NAALADL2: variants seen among roughly 807,000 people sequenced by gnomAD.
The protein encoded by NAALADL2 is N-acetylated alpha-linked acidic dipeptidase like 2, also known as inactive N-acetylated-alpha-linked acidic dipeptidase-like protein 2.
Under a neutral mutation model 87.2 loss-of-function variants are expected in NAALADL2, and 76 were observed. That is an observed-to-expected ratio of 0.87 (90% CI 0.72 to 1.05). NAALADL2 has a LOEUF of 1.05. Ranked by LOEUF, NAALADL2 falls within the 50% of genes least tolerant of loss-of-function variation. The pLI is 0.00. For synonymous variants in NAALADL2, 354 were observed against 331.0 expected, an observed-to-expected ratio of 1.07 and a Z score of -0.75; for missense variants, 1,089 against 945.8, an observed-to-expected ratio of 1.15 and a Z score of -1.99.
intron 1 of NAALADL2, among the ~76,000 whole-genome samples, chr3:174,908,324 G>A (rs1274304028): frequency 6.6e-6 from 1 of 151,970 alleles, no homozygotes; most frequent in African/African-American, 2.4e-5. Flanking sequence ...AGAGCTCAAG[G>A]ACAGAATAAG....
chr3:175,158,459 G>A (rs945718694), intron 2 of NAALADL2, among the ~76,000 whole-genome samples: 6 of 152,084 alleles, frequency 3.9e-5, no homozygotes, highest in African/African-American at 1.4e-4. Flanking sequence ...GTAAAGAGAT[G>A]CATTGGACCT....
At position 175,603,531 on chromosome 3, in the gene NAALADL2, A is replaced by G. The variant is rs148333366; in HGVS notation, c.1801-23760A>G. Among the ~76,000 whole-genome samples, 100 of 152,182 alleles carry G rather than the reference A, an allele frequency of 6.6e-4. 1 individual carries two copies. Among genetic ancestry groups the G allele is most frequent in the Middle Eastern group, 6.8e-3 (2 of 294 alleles). On this transcript the variant is annotated intron_variant, in intron 10 of 13. Coordinates refer to ENST00000454872, the MANE Select transcript of NAALADL2 (RefSeq NM_207015.3). ...GTTAGTTTCTATCTCTATGATTTGG[A>G]CTATTCCAGGTACCTCATGTAAGTG...
At chr3:174,585,807 A>T (rs1254129681) in intron 2 of NAALADL2, among the ~76,000 whole-genome samples, 1 of 152,186 alleles carries the variant, frequency 6.6e-6, no homozygotes, top group Non-Finnish European at 1.5e-5. Flanking sequence ...AGTCTTCCAG[A>T]CAAGTGCATT....
intron 3 of NAALADL2, among the ~76,000 whole-genome samples, chr3:174,787,601 A>ATACATATATATATATATATATATATATG (rs1716917799): frequency 4.4e-5 from 4 of 91,208 alleles, no homozygotes; most frequent in African/African-American, 1.5e-4. Context: ...ATATATATAT[A>ATACATATATATATATATATATATATATG]TATATATATA....
intron 3 of NAALADL2, among the ~76,000 whole-genome samples, chr3:174,828,267 G>C (rs1021568995): frequency 6.6e-6 from 1 of 152,192 alleles, no homozygotes; most frequent in Non-Finnish European, 1.5e-5. Context: ...TACAAAGAAA[G>C]CTGCTCTTCA....
intron 3 of NAALADL2, among the ~76,000 whole-genome samples, chr3:174,757,658 A>T (rs1163698340): frequency 2.0e-5 from 3 of 151,774 alleles, no homozygotes; most frequent in Non-Finnish European, 2.9e-5. Flanking sequence ...CGCCCAGCTA[A>T]TTTTTGTATT....
chr3:175,360,881 T>A lies in NAALADL2; in HGVS notation c.1090+36556T>A, dbSNP rs1454486656. ...CAATTTCTTTTTTTTTAATTTTTTT[T>A]ATTATCCTTTAAGTTCTAGGGTACA... On this transcript the variant is annotated intron_variant, in intron 5 of 13. Coordinates refer to ENST00000454872, the MANE Select transcript of NAALADL2 (RefSeq NM_207015.3). Among the ~76,000 whole-genome samples the A allele has an allele frequency of 4.0e-5, 6 of 151,596 alleles. No homozygotes were observed. In the South Asian group the frequency reaches 8.3e-4, roughly 21 times the overall value.
At chr3:174,795,292 C>T (rs749001810) in intron 3 of NAALADL2, among the ~76,000 whole-genome samples, 16 of 151,786 alleles carry the variant, frequency 1.1e-4, no homozygotes, top group South Asian at 2.1e-4. Flanking sequence ...CCACCACACC[C>T]GGCCTTCTAG....
At chr3:175,676,821 A>G (rs531921021) in intron 11 of NAALADL2, 1 of 152,162 alleles carries the variant, frequency 6.6e-6, no homozygotes, top group South Asian at 2.1e-4. Context: ...CAAACATGAC[A>G]CTAATGGTGT....
chr3:175,545,476 T>C (rs1677711902), intron 9 of NAALADL2, among the ~76,000 whole-genome samples: 2 of 152,114 alleles, frequency 1.3e-5, no homozygotes, highest in African/African-American at 4.8e-5. Context: ...TGTATTTTTT[T>C]TTTAGAAGTT....
chr3:174,646,069 G>A (rs1380441107), intron 2 of NAALADL2, among the ~76,000 whole-genome samples: 3 of 152,202 alleles, frequency 2.0e-5, no homozygotes, highest in Admixed American at 6.5e-5. Flanking sequence ...AAGTTATAAT[G>A]TGGTCTTTCA....
chr3:174,810,252 G>A (rs1335640112), intron 3 of NAALADL2, among the ~76,000 whole-genome samples: 1 of 152,086 alleles, frequency 6.6e-6, no homozygotes, highest in Non-Finnish European at 1.5e-5. Context: ...ATGGACAGAG[G>A]GTGAAAGAGT....
At chr3:174,511,091 AT>A (rs889186034) in intron 1 of NAALADL2, among the ~76,000 whole-genome samples, 2 of 151,948 alleles carry the variant, frequency 1.3e-5, no homozygotes, top group African/African-American at 4.8e-5. Flanking sequence ...ATTTATTAAG[AT>A]TTTTTTATGA....
intron 5 of NAALADL2, among the ~76,000 whole-genome samples, chr3:175,327,895 G>T (rs1275015758): frequency 2.0e-5 from 3 of 152,166 alleles, no homozygotes; most frequent in Admixed American, 1.3e-4. Context: ...TATAACAAAA[G>T]ATCTGTATGA....
chr3:175,035,343 A>C (rs904032660), intron 1 of NAALADL2, among the ~76,000 whole-genome samples: 3 of 152,186 alleles, frequency 2.0e-5, no homozygotes, highest in African/African-American at 7.2e-5. Context: ...GATAATTTAA[A>C]ATGGAAAAAC....
chr3:175,135,758 G>A (rs1657795563), intron 2 of NAALADL2, among the ~76,000 whole-genome samples: 1 of 152,174 alleles, frequency 6.6e-6, no homozygotes, highest in African/African-American at 2.4e-5. Context: ...ATAGCCAGGT[G>A]TCTTGATAAG....
intron 3 of NAALADL2, among the ~76,000 whole-genome samples, chr3:174,793,559 G>T (rs999457972): frequency 2.0e-5 from 3 of 152,134 alleles, no homozygotes; most frequent in African/African-American, 7.2e-5. Flanking sequence ...TCTGAGTATA[G>T]TAAGTTGTAT....
At chr3:175,435,864 T>A (rs968435078) in intron 5 of NAALADL2, among the ~76,000 whole-genome samples, 12 of 151,344 alleles carry the variant, frequency 7.9e-5, no homozygotes, top group African/African-American at 2.7e-4. Context: ...TTTTTTTTTT[T>A]TATACTTTAA....
At position 175,471,356 on chromosome 3, in the gene NAALADL2, C is replaced by G. The variant is rs569322527; in HGVS notation, c.1534-283C>G. Among the ~76,000 whole-genome samples, 4 of 151,328 alleles carry G rather than the reference C, an allele frequency of 2.6e-5. No homozygotes were observed. The South Asian group carries it at 8.4e-4, about 32-fold the overall frequency. On this transcript the variant is annotated intron_variant, in intron 8 of 13. Coordinates refer to ENST00000454872, the MANE Select transcript of NAALADL2 (RefSeq NM_207015.3). ...AAAAATTAGCTGGAGGGGTGGCCAGCGCCTGTAGTCCCAGCTACTGAGGCA... is the reference window on the plus strand; with the variant it reads ...AAAAATTAGCTGGAGGGGTGGCCAGGGCCTGTAGTCCCAGCTACTGAGGCA...
Sources: allele counts gnomAD v4.1 joint callset (sites outside exome capture counted in the v4.1 genomes callset), GRCh38; gene constraint gnomAD v4.1.1; transcripts MANE v1.5; gene names NCBI Gene and HGNC (gene_info 2026-07-23, HGNC 2026-07-21).